The following TMPRSS9 variants were observed in gnomAD, a reference collection of about 807,000 sequenced individuals.
The protein encoded by TMPRSS9 is transmembrane serine protease 9, also known as transmembrane protease serine 9.
Under a neutral mutation model 111.4 loss-of-function variants are expected in TMPRSS9, and 113 were observed. The observed-to-expected ratio is 1.01, with a 90% CI of 0.87 to 1.19. The LOEUF is 1.19. TMPRSS9 is among the 50% of genes most tolerant of loss of function. TMPRSS9 has a pLI of 0.00. For missense variants in TMPRSS9, 1,803 were observed against 1,513.1 expected (o/e 1.19, Z -3.18); for synonymous variants, 805 against 659.1 (o/e 1.22, Z -3.39).
In TMPRSS9 at chr19:2,422,123, T is replaced by TG; in HGVS notation, c.2428dup (p.Ala810GlyfsTer22). ...GGGCCACACCCAGCAGACCCACCCC[T>TG]GGGGCTGCCAGCAGGGTGACGGGCC... On this transcript the variant is annotated frameshift_variant, in exon 14 of 18. Transcript: ENST00000648592. LOFTEE classifies it high-confidence loss of function. 1 of 1,597,962 alleles carries TG rather than the reference T, an allele frequency of 6.3e-7. No individual in the cohort carries two copies. Among genetic ancestry groups the TG allele is most frequent in the Non-Finnish European group, 8.5e-7 (1 of 1,171,084 alleles).
intron 1 of TMPRSS9, among the ~76,000 whole-genome samples, chr19:2,395,361 A>C (rs1970684529): frequency 6.6e-6 from 1 of 151,958 alleles, no homozygotes; most frequent in African/African-American, 2.4e-5. Flanking sequence ...TGAACCCGGG[A>C]GATGGAGGTT....
intron 1 of TMPRSS9, among the ~76,000 whole-genome samples, chr19:2,378,023 C>A (rs1428173470): frequency 2.0e-5 from 3 of 151,818 alleles, no homozygotes; most frequent in Non-Finnish European, 2.9e-5. Context: ...TACTGGCATG[C>A]ACCACCATGA....
At chr19:2,379,642 T>C (rs924895348) in intron 1 of TMPRSS9, among the ~76,000 whole-genome samples, 2 of 148,574 alleles carry the variant, frequency 1.3e-5, no homozygotes, top group African/African-American at 2.5e-5. Flanking sequence ...TCTTTCTTTC[T>C]TTCTTTCTTT....
intron 1 of TMPRSS9, among the ~76,000 whole-genome samples, chr19:2,362,010 TTGTG>T (rs1318374046): frequency 6.6e-6 from 1 of 152,004 alleles, no homozygotes; most frequent in Non-Finnish European, 1.5e-5. Flanking sequence ...GATCATGTGA[TTGTG>T]TGTGATGTGT....
At chr19:2,401,597 TTTTC>T (rs1309466914) in intron 4 of TMPRSS9, among the ~76,000 whole-genome samples, 2 of 151,836 alleles carry the variant, frequency 1.3e-5, no homozygotes, top group African/African-American at 2.4e-5. Context: ...CAATAGGACG[TTTTC>T]TTTCTTTCTT....
chr19:2,379,659 T>TTCTTTCTTTCTTTC (rs1164023326), intron 1 of TMPRSS9, among the ~76,000 whole-genome samples: 6 of 149,702 alleles, frequency 4.0e-5, no homozygotes, highest in Non-Finnish European at 8.9e-5. Flanking sequence ...CTTTCTTTCT[T>TTCTTTCTTTCTTTC]TCTTTCTTTC....
intron 6 of TMPRSS9, among the ~76,000 whole-genome samples, chr19:2,404,919 G>C (rs1239779910): frequency 7.1e-6 from 1 of 140,466 alleles, no homozygotes; most frequent in Non-Finnish European, 1.5e-5. Flanking sequence ...ACAACAGAGC[G>C]AGACTCCATC....
chr19:2,364,022 A>G (rs920158915), intron 1 of TMPRSS9, among the ~76,000 whole-genome samples: 11 of 152,096 alleles, frequency 7.2e-5, no homozygotes, highest in East Asian at 3.9e-4. Flanking sequence ...GTATAAGCAC[A>G]TCTCAGCCTC....
rs1052821883 is a variant in TMPRSS9, at chr19:2,402,469, C to G, written c.556+453C>G. 2.1e-3 allele frequency among the ~76,000 whole-genome samples: 324 copies of G among 151,674 alleles called. 1 individual carries two copies. Among genetic ancestry groups the G allele is most frequent in the African/African-American group, 7.5e-3 (309 of 41,398 alleles). On this transcript the variant is annotated intron_variant, in intron 5 of 17. Transcript: ENST00000648592. ...AAAATAATACATAAGGCCGGGCGCA[C>G]TGGCTCATGCCTGTAATCCCAGCAC...
intron 6 of TMPRSS9, among the ~76,000 whole-genome samples, chr19:2,403,455 T>C (rs920190184): frequency 6.6e-6 from 1 of 152,098 alleles, no homozygotes; most frequent in South Asian, 2.1e-4. Flanking sequence ...AAACAGAGGT[T>C]GTGGCCACAG....
At chr19:2,379,677 CTCTT>C (rs1400451668) in intron 1 of TMPRSS9, among the ~76,000 whole-genome samples, 40 of 131,778 alleles carry the variant, frequency 3.0e-4, no homozygotes, top group East Asian at 1.1e-3. Flanking sequence ...TTCTTTCTTT[CTCTT>C]TTTCTTTCTT....
intron 1 of TMPRSS9, among the ~76,000 whole-genome samples, chr19:2,368,603 A>C (rs1196712765): frequency 6.6e-6 from 1 of 151,704 alleles, no homozygotes; most frequent in African/African-American, 2.4e-5. Context: ...TTGAGAATAG[A>C]CCCAGGGAGG....
chr19:2,397,652 G>T (rs756203281), intron 2 of TMPRSS9, among the ~76,000 whole-genome samples: 19 of 152,054 alleles, frequency 1.2e-4, no homozygotes, highest in Non-Finnish European at 2.1e-4. Flanking sequence ...ACGGTGGGTG[G>T]CTCACATCTG....
At position 2,362,016 on chromosome 19, in the gene TMPRSS9, G is replaced by A. The variant is rs149435713; in HGVS notation, c.-26+1656G>A. Among the ~76,000 whole-genome samples the A allele has an allele frequency of 2.6e-3, 403 of 152,186 alleles. 2 individuals carry two copies. The highest frequency in any genetic ancestry group is 9.4e-3 in the African/African-American group (389 of 41,512). ...ATTGTGTGTGATCATGTGATTGTGT[G>A]TGATGTGTGGTTGTGTGTGGCAATA... On this transcript the variant is annotated intron_variant, in intron 1 of 17. Coordinates refer to the TMPRSS9 transcript ENST00000649857.
In TMPRSS9 at chr19:2,415,513, C is replaced by T. The variant is rs575941475; in HGVS notation, c.1574-157C>T. On this transcript the variant is annotated intron_variant, in intron 10 of 17. Coordinates refer to ENST00000648592, the Ensembl canonical transcript of TMPRSS9. ...TTGCTGCAGGACCTTGGGCAAACTA[C>T]GGACACCTTGAAGCCTCCACGGCTT... is the stretch of plus-strand genomic sequence containing the variant. Among the ~76,000 whole-genome samples the T allele has an allele frequency of 2.6e-5, 4 of 152,280 alleles. No homozygotes were observed. In the East Asian group the frequency reaches 5.8e-4, roughly 22 times the overall value.
chr19:2,380,740 G>T (rs1380966548), intron 1 of TMPRSS9, among the ~76,000 whole-genome samples: 1 of 152,198 alleles, frequency 6.6e-6, no homozygotes, highest in Non-Finnish European at 1.5e-5. Flanking sequence ...ACCCCAGGAA[G>T]TGAGGAGGTA....
At position 2,425,257 on chromosome 19, in the gene TMPRSS9, G is replaced by A. The variant is rs754152184; in HGVS notation, c.2973G>A (p.Val991=). The A allele has an allele frequency of 3.2e-4, 437 of 1,365,120 alleles. 1 individual carries two copies. The African/African-American group carries it at 6.2e-3, about 19-fold the overall frequency. 84.6% of individuals were successfully genotyped at this position (1,365,120 alleles called of 1,614,324 possible). ...GCGTCATCACCGGCTGGGGCTCGGT[G>A]CGCGAAGGAGGTAGGCGCGCCCGGG... Residue 991 remains valine (V), a synonymous_variant, in exon 16 of 18, where the codon GTG becomes GTA. Transcript: ENST00000648592.
rs576750777 is a variant in TMPRSS9 at position 2,366,595 on chromosome 19, C to T, written c.-26+6235C>T. Among the ~76,000 whole-genome samples, 35 of 151,924 alleles carry T rather than the reference C, an allele frequency of 2.3e-4. No individual in the cohort carries two copies. The East Asian group carries it at 6.0e-3, about 26-fold the overall frequency. ...GCCAGGGGCTGGGTGCGGTGGCTCACGCCTGTAATCCCAGCACTTTGGGAG... is the reference window on the plus strand; with the variant it reads ...GCCAGGGGCTGGGTGCGGTGGCTCATGCCTGTAATCCCAGCACTTTGGGAG... On this transcript the variant is annotated intron_variant, in intron 1 of 17. Transcript: ENST00000649857.
At chr19:2,413,571 G>T in intron 9 of TMPRSS9, 129 bp from the exon 11 acceptor site, 1 of 1,026,448 alleles carries the variant, frequency 9.7e-7, no homozygotes, top group Admixed American at 2.3e-5. Flanking sequence ...TCAGCCCCAG[G>T]TGCTCTGTGA....
Sources: allele counts gnomAD v4.1 joint callset (sites outside exome capture counted in the v4.1 genomes callset), GRCh38; gene constraint gnomAD v4.1.1; transcripts MANE v1.5; gene names NCBI Gene and HGNC (gene_info 2026-07-23, HGNC 2026-07-21).